The following RAP1A variants were observed in gnomAD, a reference collection of about 807,000 sequenced individuals.
The protein encoded by RAP1A is ras-related protein Rap-1A.
A neutral mutation model predicts 26.4 loss-of-function variants in RAP1A; 6 were observed. The ratio of observed to expected loss-of-function variants is 0.23; its 90% CI spans 0.12 to 0.45. RAP1A has a LOEUF of 0.45. Among genes scored for constraint, RAP1A ranks in the 20% least tolerant of loss-of-function variants. The pLI, the probability that RAP1A is intolerant of heterozygous loss-of-function variation, is 0.99. For synonymous variants in RAP1A, 73 were observed against 79.4 expected, an observed-to-expected ratio of 0.92 and a Z score of 0.43; for missense variants, 121 against 217.2, an observed-to-expected ratio of 0.56 and a Z score of 2.78.
chr1:111,543,866 G>T (rs1656938824), intron 1 of RAP1A, among the ~76,000 whole-genome samples: 1 of 152,162 alleles, frequency 6.6e-6, no homozygotes, highest in Non-Finnish European at 1.5e-5. Flanking sequence ...TATTTTAAAG[G>T]ATTGGGCCTT....
chr1:111,691,041 AG>A (rs1263167997), intron 1 of RAP1A, among the ~76,000 whole-genome samples: 1 of 152,254 alleles, frequency 6.6e-6, no homozygotes, highest in African/African-American at 2.4e-5. Flanking sequence ...TGTAGTCATA[AG>A]GTTATCAACT....
intron 1 of RAP1A, among the ~76,000 whole-genome samples, chr1:111,603,667 A>T (rs1461521245): frequency 6.6e-6 from 1 of 152,174 alleles, no homozygotes; most frequent in Non-Finnish European, 1.5e-5. Context: ...GTTGTGTTGG[A>T]ATACGAAACC....
At chr1:111,644,745 C>T (rs1660011941) in intron 1 of RAP1A, among the ~76,000 whole-genome samples, 1 of 152,150 alleles carries the variant, frequency 6.6e-6, no homozygotes. Flanking sequence ...TGATAATGAG[C>T]TTGGGCCTTA....
chr1:111,647,017 T>G (rs1177233598), intron 1 of RAP1A, among the ~76,000 whole-genome samples: 1 of 152,202 alleles, frequency 6.6e-6, no homozygotes, highest in Non-Finnish European at 1.5e-5. Context: ...TCTCTTACTG[T>G]CTCATACCCT....
intron 1 of RAP1A, among the ~76,000 whole-genome samples, chr1:111,678,827 A>G (rs765381292): frequency 1.7e-4 from 26 of 151,738 alleles, no homozygotes; most frequent in Non-Finnish European, 3.5e-4. Context: ...GTCTGGTAGC[A>G]TTTTTGTATA....
chr1:111,648,971 G>A (rs538351913), intron 1 of RAP1A: 10 of 647,146 alleles, frequency 1.5e-5, no homozygotes, highest in South Asian at 6.8e-5. Context: ...TGAGAGCCTC[G>A]ATCTCTGGCT....
rs887726971 is a variant in RAP1A at position 111,714,964 on chromosome 1, A to G, written c.*2563A>G. The G allele has an allele frequency of 6.6e-6, 1 of 152,238 alleles. No homozygotes were observed. The allele number at this position is 152,238 out of a possible 1,614,324, so 9.4% of individuals were successfully genotyped here. A position where few individuals can be genotyped will look rare whatever the true frequency, so the allele number is the denominator to read the frequency against. On this transcript the variant is annotated 3_prime_UTR_variant, in exon 8 of 8. Coordinates refer to ENST00000369709, the MANE Select transcript of RAP1A (RefSeq NM_002884.4). Reference sequence around the variant, plus strand: ...TTAAGGAGGCTTCATGCCATAGTTCATAGTTTGCTCTAATGGCTTGGTGGT... The same window carrying G: ...TTAAGGAGGCTTCATGCCATAGTTCGTAGTTTGCTCTAATGGCTTGGTGGT...
chr1:111,668,955 A>G (rs1267730337), intron 1 of RAP1A, among the ~76,000 whole-genome samples: 1 of 150,260 alleles, frequency 6.7e-6, no homozygotes, highest in Non-Finnish European at 1.5e-5. Context: ...CCTTGAGTCC[A>G]GGAGGTCAAG....
chr1:111,598,864 C>T (rs941820337), intron 1 of RAP1A, among the ~76,000 whole-genome samples: 9 of 152,174 alleles, frequency 5.9e-5, no homozygotes, highest in African/African-American at 1.9e-4. Flanking sequence ...TCCTACCAGT[C>T]GCAAGTCTGG....
At chr1:111,700,223 C>T (rs1661975353) in intron 4 of RAP1A, among the ~76,000 whole-genome samples, 2 of 152,132 alleles carry the variant, frequency 1.3e-5, no homozygotes, top group South Asian at 4.1e-4. Flanking sequence ...CTGTATTAGG[C>T]CGTTTGCATT....
chr1:111,598,717 C>T (rs1658605757), intron 1 of RAP1A, among the ~76,000 whole-genome samples: 1 of 152,096 alleles, frequency 6.6e-6, no homozygotes, highest in Non-Finnish European at 1.5e-5. Context: ...TGGGTCTATC[C>T]TCACACAGCA....
At chr1:111,651,140 A>G (rs185948952) in intron 1 of RAP1A, among the ~76,000 whole-genome samples, 161 of 152,160 alleles carry the variant, frequency 1.1e-3, no homozygotes, top group Non-Finnish European at 1.5e-3. Flanking sequence ...TGCTGCCCTA[A>G]AAGTCTTCTG....
At chr1:111,689,813 G>GCACCCGC (rs1332994758) in intron 1 of RAP1A, among the ~76,000 whole-genome samples, 1 of 152,118 alleles carries the variant, frequency 6.6e-6, no homozygotes, top group East Asian at 1.9e-4. Context: ...GGGACCACAG[G>GCACCCGC]CACCCGCCAC....
chr1:111,683,078 T>A (rs544039014), intron 1 of RAP1A, among the ~76,000 whole-genome samples: 1 of 152,282 alleles, frequency 6.6e-6, no homozygotes, highest in East Asian at 1.9e-4. Context: ...ACTGGGTAGA[T>A]AACAAAATTA....
chr1:111,686,434 T>A (rs1010009419), intron 1 of RAP1A: 58 of 151,894 alleles, frequency 3.8e-4, no homozygotes, highest in African/African-American at 1.4e-3. Flanking sequence ...ATGATTCAAA[T>A]TCCCAAAAGT....
At chr1:111,667,335 A>G (rs1244803846) in intron 1 of RAP1A, among the ~76,000 whole-genome samples, 1 of 152,228 alleles carries the variant, frequency 6.6e-6, no homozygotes, top group Non-Finnish European at 1.5e-5. Context: ...TATATTCTTG[A>G]TAACTAATAT....
chr1:111,705,381 T>G (rs1662157550), intron 6 of RAP1A, among the ~76,000 whole-genome samples: 1 of 152,188 alleles, frequency 6.6e-6, no homozygotes, highest in Non-Finnish European at 1.5e-5. Flanking sequence ...TGCTATTCTC[T>G]CTGGCCTGTG....
chr1:111,696,760 T>TA (rs1661842214), intron 3 of RAP1A, among the ~76,000 whole-genome samples: 1 of 152,210 alleles, frequency 6.6e-6, no homozygotes, highest in Admixed American at 6.5e-5. Context: ...TGATAGTTGA[T>TA]ACTTTCATTA....
intron 2 of RAP1A, among the ~76,000 whole-genome samples, chr1:111,694,403 T>TTACACTTA (rs1661767633): frequency 6.6e-6 from 1 of 152,250 alleles, no homozygotes; most frequent in Non-Finnish European, 1.5e-5. Context: ...CTGAGTAATT[T>TTACACTTA]AAGTGTAGAT....
Sources: allele counts gnomAD v4.1 joint callset (sites outside exome capture counted in the v4.1 genomes callset), GRCh38; gene constraint gnomAD v4.1.1; transcripts MANE v1.5; gene names NCBI Gene and HGNC (gene_info 2026-07-23, HGNC 2026-07-21).